ADAM12: variants seen among roughly 807,000 people sequenced by gnomAD.
ADAM12 encodes the protein ADAM metallopeptidase domain 12, also known as disintegrin and metalloproteinase domain-containing protein 12.
In ADAM12, 70 loss-of-function variants were observed where a neutral mutation model predicts 106.4. The ratio of observed to expected loss-of-function variants is 0.66; its 90% confidence interval spans 0.54 to 0.80. ADAM12 has a LOEUF of 0.80. Among genes scored for constraint, ADAM12 ranks in the 30% least tolerant of loss-of-function variants. The pLI is 0.00. For missense variants in ADAM12, 1,010 were observed against 1,171.9 expected, an observed-to-expected ratio of 0.86 and a Z score of 2.02; for synonymous variants, 420 against 433.5, an observed-to-expected ratio of 0.97 and a Z score of 0.39.
chr10:126,104,204 C>G (rs1181118648), intron 8 of ADAM12, among the ~76,000 whole-genome samples: 3 of 152,130 alleles, frequency 2.0e-5, no homozygotes, highest in African/African-American at 7.2e-5. Flanking sequence ...AATCCCGGCA[C>G]TTTGGGAGGC....
At chr10:126,356,062 C>T (rs1168455536) in intron 1 of ADAM12, among the ~76,000 whole-genome samples, 1 of 152,192 alleles carries the variant, frequency 6.6e-6, no homozygotes, top group Non-Finnish European at 1.5e-5. Context: ...AAACTTCAAA[C>T]AGCACTCAGC....
At chr10:126,177,370 T>C (rs1215673847) in intron 3 of ADAM12, among the ~76,000 whole-genome samples, 1 of 152,138 alleles carries the variant, frequency 6.6e-6, no homozygotes, top group African/African-American at 2.4e-5. Context: ...CTATGTGTCA[T>C]GCTAATATTT....
At chr10:126,172,515 T>A (rs1217779583) in intron 3 of ADAM12, among the ~76,000 whole-genome samples, 1 of 152,212 alleles carries the variant, frequency 6.6e-6, no homozygotes, top group African/African-American at 2.4e-5. Flanking sequence ...AAGCTCATCA[T>A]CACTGATCAT....
chr10:126,221,116 G>A (rs151087777), intron 3 of ADAM12, among the ~76,000 whole-genome samples: 12 of 152,334 alleles, frequency 7.9e-5, no homozygotes, highest in African/African-American at 2.6e-4. Context: ...GGGTGCGGTG[G>A]CTCACACTTG....
chr10:126,144,147 C>G (rs951824292), intron 4 of ADAM12, among the ~76,000 whole-genome samples: 1 of 152,150 alleles, frequency 6.6e-6, no homozygotes. Flanking sequence ...AGAGAACAAA[C>G]GCTTACAAAA....
intron 1 of ADAM12, among the ~76,000 whole-genome samples, chr10:126,374,305 A>T (rs920934752): frequency 3.3e-5 from 5 of 152,156 alleles, no homozygotes; most frequent in Non-Finnish European, 7.4e-5. Context: ...GAGGGAAAAA[A>T]GCTGAAAATG....
intron 2 of ADAM12, among the ~76,000 whole-genome samples, chr10:126,313,824 G>A (rs944060391): frequency 1.3e-5 from 2 of 152,130 alleles, no homozygotes; most frequent in Admixed American, 6.5e-5. Flanking sequence ...GACATTAAAC[G>A]AGGACATAAA....
intron 3 of ADAM12, among the ~76,000 whole-genome samples, chr10:126,168,592 T>C (rs1957065870): frequency 6.6e-6 from 1 of 152,180 alleles, no homozygotes; most frequent in Non-Finnish European, 1.5e-5. Flanking sequence ...TCCCCTCACC[T>C]AACCTTCCAT....
rs182386383 is a variant in ADAM12 at position 126,105,261 on chromosome 10, C to T, written c.741+3332G>A. ...TTTGCAAACTGAAGCAAGATATAAC[C>T]TAGAATAAATGTGAAGAAATACAAA... On this transcript the variant is annotated intron_variant, in intron 8 of 22. Coordinates refer to ENST00000448723, the MANE Select transcript of ADAM12 (RefSeq NM_001288973.2). Among the ~76,000 whole-genome samples the T allele has an allele frequency of 1.9e-3, 282 of 152,312 alleles. 1 individual carries two copies. Among genetic ancestry groups the T allele is most frequent in the South Asian group, 5.2e-3 (25 of 4,826 alleles).
In ADAM12 at chr10:126,017,356, GA is replaced by G. The variant is rs541574979; in HGVS notation, c.2661-18del. On this transcript the variant is annotated intron_variant, in intron 22 of 22. Transcript: ENST00000448723. ...GGAGCAGGTCTGAATGAAGAGAGGA[GA>G]AAAAAAAATGATCAGAGACCTTGAG... The G allele has an allele frequency of 3.3e-4, 503 of 1,541,926 alleles. 3 individuals carry two copies. In the South Asian group the frequency reaches 4.2e-3, roughly 13 times the overall value.
chr10:126,318,516 ACT>A (rs1853969977), intron 2 of ADAM12, among the ~76,000 whole-genome samples: 1 of 147,206 alleles, frequency 6.8e-6, no homozygotes, highest in Admixed American at 6.9e-5. Flanking sequence ...TCTCACACAC[ACT>A]CATTCTAACA....
At chr10:126,075,565 CA>C (rs1955084234) in intron 11 of ADAM12, among the ~76,000 whole-genome samples, 1 of 152,122 alleles carries the variant, frequency 6.6e-6, no homozygotes. Flanking sequence ...AATAAAAGAG[CA>C]AGGGAAGAGG....
intron 2 of ADAM12, among the ~76,000 whole-genome samples, chr10:126,290,331 T>C (rs934473890): frequency 3.3e-5 from 5 of 152,154 alleles, no homozygotes; most frequent in Non-Finnish European, 7.4e-5. Context: ...CTGGTGAGAT[T>C]TGAAGCAGAG....
intron 3 of ADAM12, among the ~76,000 whole-genome samples, chr10:126,206,854 T>TA (rs1554986868): frequency 4.9e-5 from 4 of 81,848 alleles, no homozygotes; most frequent in East Asian, 6.5e-4. Context: ...CCATGTGTTG[T>TA]GGGGGCGGGG....
rs1361599009 is a variant in ADAM12 at position 126,345,451 on chromosome 10, T to TCAA, written c.89-14943_89-14942insTTG. 6.0e-4 allele frequency among the ~76,000 whole-genome samples: 92 copies of TCAA among 152,158 alleles called. 1 individual carries two copies. Among genetic ancestry groups the TCAA allele is most frequent in the African/African-American group, 2.1e-3 (89 of 41,420 alleles). On this transcript the variant is annotated intron_variant, in intron 1 of 22. Coordinates refer to ENST00000448723, the MANE Select transcript of ADAM12 (RefSeq NM_001288973.2). ...CAGTATTTTATTGAGGATTTTTGCA[T>TCAA]TGATTTTATCAGGGATATTGGTCTA...
At chr10:126,305,737 A>C (rs1960816990) in intron 2 of ADAM12, among the ~76,000 whole-genome samples, 1 of 152,066 alleles carries the variant, frequency 6.6e-6, no homozygotes, top group African/African-American at 2.4e-5. Flanking sequence ...AAAAATCCTA[A>C]AGCAAGTGTT....
chr10:126,311,661 T>C lies in ADAM12; in HGVS notation c.186+18751A>G, dbSNP rs1245166172. 2.6e-5 allele frequency among the ~76,000 whole-genome samples: 4 copies of C among 152,046 alleles called. No homozygotes were observed. In the East Asian group the frequency reaches 7.7e-4, roughly 29 times the overall value. ...TTAAAAATCGATAATGCCAAAGTGA[T>C]GAAGCCTCCATAAACATCCTGAAAA... On this transcript the variant is annotated intron_variant, in intron 2 of 22. Coordinates refer to ENST00000448723, the MANE Select transcript of ADAM12 (RefSeq NM_001288973.2).
intron 3 of ADAM12, among the ~76,000 whole-genome samples, chr10:126,168,991 T>C (rs1203210101): frequency 6.6e-6 from 1 of 152,020 alleles, no homozygotes; most frequent in South Asian, 2.1e-4. Context: ...AGGCAGAGAT[T>C]GTAGTGAGCC....
At chr10:126,344,647 A>G (rs1486267865) in intron 1 of ADAM12, among the ~76,000 whole-genome samples, 1 of 152,136 alleles carries the variant, frequency 6.6e-6, no homozygotes, top group Admixed American at 6.5e-5. Flanking sequence ...GATTCTTCCT[A>G]TCCATGAGCA....
Sources: gnomAD v4.1 joint callset for allele counts (sites outside exome capture counted in the v4.1 genomes callset) on GRCh38, gnomAD v4.1.1 for gene constraint, MANE v1.5 for transcripts, NCBI Gene and HGNC (gene_info 2026-07-23, HGNC 2026-07-21) for gene names.